MYRIP: variants seen among roughly 807,000 people sequenced by gnomAD.
The protein encoded by MYRIP is rab effector MyRIP.
A neutral mutation model predicts 98.0 loss-of-function variants in MYRIP; 49 were observed. That is an observed-to-expected ratio of 0.50 (90% CI 0.40 to 0.63). The LOEUF is 0.63. Ranked by LOEUF, MYRIP falls within the 30% of genes least tolerant of loss-of-function variation. The pLI, the probability that MYRIP is intolerant of heterozygous loss-of-function variation, is 0.00. For synonymous variants in MYRIP, 404 were observed against 409.5 expected, an observed-to-expected ratio of 0.99 and a Z score of 0.16; for missense variants, 1,004 against 1,058.2, an observed-to-expected ratio of 0.95 and a Z score of 0.71.
Position 40,212,205 on chromosome 3 carries a change from C to CGT in MYRIP, c.1905+2119_1905+2120dup, listed in dbSNP as rs1160660695. On this transcript the variant is annotated intron_variant, in intron 11 of 16. Transcript: ENST00000302541. ...GTGTATGTGTATATACATATATATA[C>CGT]GTGTGTGTATATATATATATACACA... is the stretch of plus-strand genomic sequence containing the variant. Among the ~76,000 whole-genome samples the CGT allele has an allele frequency of 4.8e-4, 18 of 37,478 alleles. 6 individuals carry two copies. The highest frequency in any genetic ancestry group is 7.0e-4 in the South Asian group (1 of 1,428). The allele number at this position is 37,478 out of a possible 152,430, so 24.6% of individuals were successfully genotyped here.
rs376641433 is a variant in MYRIP, at chr3:40,250,331, G to A, written c.2367+5G>A. Reference sequence around the variant, plus strand: ...GATCAGAAGCAAAGGACCCAGGTGTGTTTGTCCCTTTCTCCCTCTGTTGGA... The same window carrying A: ...GATCAGAAGCAAAGGACCCAGGTGTATTTGTCCCTTTCTCCCTCTGTTGGA... On this transcript the variant is annotated splice_donor_5th_base_variant and intron_variant, in intron 14 of 16. Transcript: ENST00000302541. The A allele has an allele frequency of 1.7e-5, 27 of 1,613,458 alleles. No individual in the cohort carries two copies. In the African/African-American group the frequency reaches 3.1e-4, roughly 18 times the overall value.
Position 40,123,866 on chromosome 3 carries a change from G to T in MYRIP, c.333-27182G>T, listed in dbSNP as rs72856928. Reference sequence around the variant, plus strand: ...AACAAAACCCTGGCTCTTCTGGCCAGTTCCTCCCTATTTCAGAATGCCACA... The same window carrying T: ...AACAAAACCCTGGCTCTTCTGGCCATTTCCTCCCTATTTCAGAATGCCACA... On this transcript the variant is annotated intron_variant, in intron 3 of 16. Transcript: ENST00000302541. 9.8e-3 allele frequency among the ~76,000 whole-genome samples: 1,499 copies of T among 152,306 alleles called. 10 individuals are homozygous for T. Among genetic ancestry groups the T allele is most frequent in the Middle Eastern group, 0.017 (5 of 294 alleles).
chr3:40,119,737 G>A (rs1250539248), intron 3 of MYRIP, among the ~76,000 whole-genome samples: 1 of 151,306 alleles, frequency 6.6e-6, no homozygotes, highest in Non-Finnish European at 1.5e-5. Context: ...CTGGACACAG[G>A]AAGGGGAACA....
chr3:39,809,420 C>A (rs1190570314), upstream of MYRIP, among the ~76,000 whole-genome samples: 2 of 148,132 alleles, frequency 1.4e-5, no homozygotes, highest in Non-Finnish European at 3.0e-5. Context: ...GTGCCGCCCG[C>A]GCGCCCGAGG....
intron 2 of MYRIP, among the ~76,000 whole-genome samples, chr3:39,928,753 T>G (rs1386544001): frequency 4.6e-5 from 7 of 151,836 alleles, no homozygotes; most frequent in African/African-American, 1.7e-4. Flanking sequence ...ACTGAATGCT[T>G]CCCCCTTAAA....
chr3:40,230,850 G>T (rs1952633778), intron 11 of MYRIP, among the ~76,000 whole-genome samples: 1 of 150,230 alleles, frequency 6.7e-6, no homozygotes, highest in South Asian at 2.1e-4. Context: ...TTTTTAGGCG[G>T]AATTTCGCTC....
intron 10 of MYRIP, among the ~76,000 whole-genome samples, chr3:40,209,532 G>T (rs1321688646): frequency 6.6e-6 from 1 of 152,060 alleles, no homozygotes; most frequent in African/African-American, 2.4e-5. Flanking sequence ...GCCCAGGCAA[G>T]GGCTGGTCAG....
chr3:39,878,445 G>A (rs1470326648), intron 1 of MYRIP, among the ~76,000 whole-genome samples: 1 of 152,180 alleles, frequency 6.6e-6, no homozygotes, highest in Non-Finnish European at 1.5e-5. Context: ...CGTCACTCAT[G>A]CTGGGAGCTG....
At chr3:40,138,849 T>C (rs768636310) in intron 3 of MYRIP, among the ~76,000 whole-genome samples, 15 of 152,352 alleles carry the variant, frequency 9.8e-5, no homozygotes, top group Non-Finnish European at 1.8e-4. Context: ...TTCTAGCTAT[T>C]TGACACTATG....
chr3:39,919,693 G>GGGGT (rs1944257844), intron 2 of MYRIP, among the ~76,000 whole-genome samples: 1 of 143,266 alleles, frequency 7.0e-6, no homozygotes, highest in Non-Finnish European at 1.5e-5. Context: ...GGGTATGTGT[G>GGGGT]GTGTGTGTGT....
chr3:40,033,325 T>C (rs1172640324), intron 2 of MYRIP, among the ~76,000 whole-genome samples: 3 of 151,514 alleles, frequency 2.0e-5, no homozygotes, highest in African/African-American at 7.3e-5. Context: ...AAAACCCCAT[T>C]GTCTCAGCCC....
At chr3:40,055,052 T>C (rs1248313945) in intron 3 of MYRIP, among the ~76,000 whole-genome samples, 1 of 152,166 alleles carries the variant, frequency 6.6e-6, no homozygotes, top group African/African-American at 2.4e-5. Flanking sequence ...CTAGCAGATG[T>C]CATCACTGAC....
intron 10 of MYRIP, among the ~76,000 whole-genome samples, chr3:40,197,353 T>C (rs932035056): frequency 6.6e-6 from 1 of 152,160 alleles, no homozygotes; most frequent in Admixed American, 6.6e-5. Context: ...AACAGACCAA[T>C]GACCAGTACC....
chr3:39,826,182 T>A (rs762482082), intron 1 of MYRIP, among the ~76,000 whole-genome samples: 97 of 152,126 alleles, frequency 6.4e-4, no homozygotes, highest in Non-Finnish European at 9.9e-4. Flanking sequence ...TTCTGCTCTT[T>A]ATTATTTTTT....
chr3:40,187,961 G>A (rs1291710183), intron 9 of MYRIP, among the ~76,000 whole-genome samples: 1 of 152,206 alleles, frequency 6.6e-6, no homozygotes, highest in East Asian at 1.9e-4. Context: ...AAGAGCAGCA[G>A]AGAAAGGCAG....
intron 1 of MYRIP, among the ~76,000 whole-genome samples, chr3:39,863,496 A>G (rs1326174678): frequency 6.6e-6 from 1 of 152,144 alleles, no homozygotes; most frequent in Non-Finnish European, 1.5e-5. Context: ...AATACAAAAA[A>G]CAAAAACAAA....
chr3:39,857,045 T>C (rs1358704063), intron 1 of MYRIP, among the ~76,000 whole-genome samples: 2 of 151,962 alleles, frequency 1.3e-5, no homozygotes, highest in African/African-American at 4.8e-5. Context: ...CATAAGACCT[T>C]ATAGATTTTT....
chr3:40,036,301 C>A (rs868818243), intron 2 of MYRIP, among the ~76,000 whole-genome samples: 3 of 4,572 alleles, frequency 6.6e-4, no homozygotes, highest in Non-Finnish European at 3.7e-3. Flanking sequence ...ACAACTGATA[C>A]CAAAAAAAAA....
rs773668037 is a variant in MYRIP, at chr3:40,166,924, A to G, written c.629A>G (p.Glu210Gly). ...EAIEEAISKA[E>G]AYGDSLDKQN... ...ATTGAGGAAGCAATTTCCAAAGCAG[A>G]GGCATATGGGGACAGCCTGGTAGGG... The change falls in exon 6 of 17, where the codon GAG becomes GGG. Residue 210 changes from glutamate (E) to glycine (G), a missense_variant. By Grantham distance (98) the Glu-to-Gly change is moderately conservative. Transcript: ENST00000302541. The G allele has an allele frequency of 1.8e-5, 29 of 1,613,580 alleles. No homozygotes were observed. The highest frequency in any genetic ancestry group is 2.3e-5 in the Non-Finnish European group (27 of 1,179,826).
Sources: allele counts gnomAD v4.1 joint callset (sites outside exome capture counted in the v4.1 genomes callset), GRCh38; gene constraint gnomAD v4.1.1; transcripts MANE v1.5; gene names NCBI Gene and HGNC (gene_info 2026-07-23, HGNC 2026-07-21).